PPM1G: variants seen among roughly 807,000 people sequenced by gnomAD.
The protein encoded by PPM1G is protein phosphatase, Mg2+/Mn2+ dependent 1G.
In PPM1G, 12 loss-of-function variants were observed where a neutral mutation model predicts 59.4. The observed-to-expected ratio is 0.20, with a 90% confidence interval of 0.13 to 0.33. PPM1G has a LOEUF of 0.33. Among genes scored for constraint, PPM1G ranks in the 10% least tolerant of loss-of-function variants. The pLI is 1.00. For synonymous variants in PPM1G, 245 were observed against 251.9 expected, an observed-to-expected ratio of 0.97 and a Z score of 0.26; for missense variants, 392 against 681.3, an observed-to-expected ratio of 0.58 and a Z score of 4.73.
chr2:27,393,336 T>C (rs368478941), intron 1 of PPM1G: 1 of 1,597,370 alleles, frequency 6.3e-7, no homozygotes, highest in Admixed American at 1.7e-5. Context: ...GTGGTAGTTC[T>C]GGCGCACCTG....
chr2:27,383,876 G>A lies in PPM1G; in HGVS notation c.966+76C>T. On this transcript the variant is annotated intron_variant, in intron 6 of 9. Transcript: ENST00000344034. This position sits in a 1 kb window ranked among gnomAD's most constrained non-coding sequence, Gnocchi z 5.0. The stretch of plus-strand genomic sequence containing the variant: ...TCCTAAAGTATCAGGGGGATCCCCT[G>A]TCTCAAAATCAAAATTAGGGGATTC... The A allele has an allele frequency of 6.5e-7, 1 of 1,535,548 alleles. No homozygotes were observed. Among genetic ancestry groups the A allele is most frequent in the Non-Finnish European group, 8.8e-7 (1 of 1,136,982 alleles).
rs755125040 is a variant in PPM1G at position 27,385,699 on chromosome 2, A to G, written c.409+48T>C. On this transcript the variant is annotated intron_variant, in intron 4 of 9. Transcript: ENST00000344034. The surrounding 1 kb of genome is among the most constrained non-coding windows in gnomAD (Gnocchi z 4.1). The stretch of plus-strand genomic sequence containing the variant: ...GAATTGATAAGTAATATTAAAGAAT[A>G]TTTCTTAAAATGCTGATTTCCCCTC... 2.5e-6 allele frequency: 4 copies of G among 1,585,970 alleles called. No homozygotes were observed. In the South Asian group the frequency reaches 3.5e-5, roughly 14 times the overall value.
chr2:27,394,246 G>A (rs1572665282), intron 1 of PPM1G, among the ~76,000 whole-genome samples: 1 of 152,144 alleles, frequency 6.6e-6, no homozygotes, highest in East Asian at 1.9e-4. Context: ...TTCTGGAGTA[G>A]TAATTTTTAA....
chr2:27,385,327 CT>C lies in PPM1G; in HGVS notation c.410-240del. The C allele has an allele frequency of 8.3e-6, 4 of 482,188 alleles. No homozygotes were observed. In the South Asian group the frequency reaches 1.6e-4, roughly 19 times the overall value. The allele number at this position is 482,188 out of a possible 1,614,324, so 29.9% of individuals were successfully genotyped here. ...CAACACTAGTTACTATACTTCCCCT[CT>C]GACGTCTCATTTTTTATTGTTAAGT... On this transcript the variant is annotated intron_variant, in intron 4 of 9. Coordinates refer to ENST00000344034, the MANE Select transcript of PPM1G (RefSeq NM_177983.3). The surrounding 1 kb of genome is among the most constrained non-coding windows in gnomAD (Gnocchi z 4.1).
intron 1 of PPM1G, among the ~76,000 whole-genome samples, chr2:27,395,244 A>AG (rs1319484076): frequency 6.7e-6 from 1 of 149,020 alleles, no homozygotes; most frequent in East Asian, 1.9e-4. Context: ...AAAAAAAAAA[A>AG]AAAAAAGAAA....
intron 1 of PPM1G, among the ~76,000 whole-genome samples, chr2:27,391,211 T>C (rs1272050865): frequency 6.6e-6 from 1 of 152,208 alleles, no homozygotes; most frequent in African/African-American, 2.4e-5. Flanking sequence ...AGCCATCAGA[T>C]TGCTGGGTCT....
chr2:27,401,516 A>G (rs1388540700), intron 1 of PPM1G, among the ~76,000 whole-genome samples: 2 of 152,204 alleles, frequency 1.3e-5, no homozygotes, highest in Non-Finnish European at 2.9e-5. Flanking sequence ...TGACAGTTGT[A>G]CAACTCTGTT....
chr2:27,402,955 T>G lies in PPM1G; in HGVS notation c.120+6348A>C, dbSNP rs1204113457. On this transcript the variant is annotated intron_variant, in intron 1 of 9. Coordinates refer to ENST00000344034, the MANE Select transcript of PPM1G (RefSeq NM_177983.3). ...AAAAAATTAGCCAGTCATGGTGGCATGTGCCTATATTAGGCTGAGGCTGGA... is the reference window on the plus strand; with the variant it reads ...AAAAAATTAGCCAGTCATGGTGGCAGGTGCCTATATTAGGCTGAGGCTGGA... 6.0e-5 allele frequency among the ~76,000 whole-genome samples: 9 copies of G among 149,244 alleles called. No homozygotes were observed. In the East Asian group the frequency reaches 1.8e-3, roughly 29 times the overall value.
At position 27,385,287 on chromosome 2, in the gene PPM1G, C is replaced by T; in HGVS notation, c.410-199G>A. Reference sequence around the variant, plus strand: ...TTCTTTTGGTTTTTGTGTTTCATCCCCTTCTTAATCAAAACAACACTAGTT... The same window carrying T: ...TTCTTTTGGTTTTTGTGTTTCATCCTCTTCTTAATCAAAACAACACTAGTT... On this transcript the variant is annotated intron_variant, in intron 4 of 9. Transcript: ENST00000344034. This position sits in a 1 kb window ranked among gnomAD's most constrained non-coding sequence, Gnocchi z 4.1. The T allele has an allele frequency of 5.3e-6, 3 of 568,750 alleles. No homozygotes were observed. 35.2% of individuals were successfully genotyped at this position (568,750 alleles called of 1,614,324 possible).
At chr2:27,399,356 A>C (rs1484188276) in intron 1 of PPM1G, among the ~76,000 whole-genome samples, 1 of 152,126 alleles carries the variant, frequency 6.6e-6, no homozygotes, top group Admixed American at 6.6e-5. Flanking sequence ...AGATACACAA[A>C]TGTCCAATAA....
intron 1 of PPM1G, among the ~76,000 whole-genome samples, chr2:27,402,952 G>C (rs1348113926): frequency 6.6e-6 from 1 of 151,510 alleles, no homozygotes; most frequent in Non-Finnish European, 1.5e-5. Context: ...AGTCATGGTG[G>C]CATGTGCCTA....
At chr2:27,403,790 A>C (rs1438232884) in intron 1 of PPM1G, among the ~76,000 whole-genome samples, 2 of 152,152 alleles carry the variant, frequency 1.3e-5, no homozygotes, top group African/African-American at 2.4e-5. Flanking sequence ...CAGGAGGCTG[A>C]GGCCGGAGAA....
At position 27,383,411 on chromosome 2, in the gene PPM1G, T is replaced by C. The variant is rs1195738297; in HGVS notation, c.1156A>G (p.Met386Val). 1 of 1,614,194 alleles carries C rather than the reference T, an allele frequency of 6.2e-7. No individual in the cohort carries two copies. The highest frequency in any genetic ancestry group is 1.7e-5 in the Admixed American group (1 of 60,010). ...AGGCCCCCGTTGACTCGCCCATCCA[T>C]GGTGACCTTGCCACCAGCATTCTTG... ...RIKNAGGKVT[M>V]DGRVNGGLNL... is the part of the protein sequence containing the mutation. Residue 386 changes from methionine (M) to valine (V), a missense_variant, in exon 7 of 10, where the codon ATG (methionine) becomes GTG (valine). Met to Val is a conservative substitution (Grantham distance 21, BLOSUM62 1). Around this residue, in one of 6 missense-constraint regions of PPM1G, gnomAD observed 53 missense variants for 175.4 expected, o/e 0.30. Transcript: ENST00000344034. This position sits in a 1 kb window ranked among gnomAD's most constrained non-coding sequence, Gnocchi z 5.0.
chr2:27,409,230 C>A, intron 1 of PPM1G, 73 bp downstream of exon 1: 1 of 1,496,412 alleles, frequency 6.7e-7, no homozygotes, highest in Non-Finnish European at 8.9e-7. Context: ...AGGGGAGGAC[C>A]CCATCCCCCG....
At chr2:27,389,766 C>G (rs953114489) in intron 1 of PPM1G, among the ~76,000 whole-genome samples, 2 of 152,106 alleles carry the variant, frequency 1.3e-5, no homozygotes, top group African/African-American at 4.8e-5. Context: ...GAGTTGGAGA[C>G]CAGCCTAGGC....
intron 1 of PPM1G, 42 bp from the exon 2 acceptor site, chr2:27,387,200 G>A: frequency 1.3e-6 from 2 of 1,528,018 alleles, no homozygotes; most frequent in South Asian, 1.1e-5. Context: ...CAAGGTCGAA[G>A]AATATTCCTC....
At position 27,409,578 on chromosome 2, in the gene PPM1G, G is replaced by T. The variant is rs894021995; in HGVS notation, c.-156C>A. The T allele has an allele frequency of 1.4e-5, 14 of 983,642 alleles. No individual in the cohort carries two copies. The highest frequency in any genetic ancestry group is 6.9e-5 in the African/African-American group (4 of 57,868). 60.9% of individuals were successfully genotyped at this position (983,642 alleles called of 1,614,324 possible). A position where few individuals can be genotyped will look rare whatever the true frequency, so the allele number is the denominator to read the frequency against. On this transcript the variant is annotated 5_prime_UTR_variant, in exon 1 of 10. Transcript: ENST00000344034. Reference sequence around the variant, plus strand: ...GCGAGGCCGGCCAGGAGGCGGTAACGGGACGGGAGCTGTGAGGGAGCGGAA... The same window carrying T: ...GCGAGGCCGGCCAGGAGGCGGTAACTGGACGGGAGCTGTGAGGGAGCGGAA...
intron 1 of PPM1G, chr2:27,393,466 G>A: frequency 1.3e-6 from 1 of 795,910 alleles, no homozygotes; most frequent in Admixed American, 2.0e-5. Flanking sequence ...ATGGTGAAGA[G>A]GTGACGGAGG....
intron 1 of PPM1G, among the ~76,000 whole-genome samples, chr2:27,395,836 G>A (rs1426657275): frequency 9.1e-5 from 12 of 131,512 alleles, no homozygotes; most frequent in African/African-American, 3.5e-4. Context: ...GAATAAGACC[G>A]TCTCAAAAAA....
Sources: allele counts gnomAD v4.1 joint callset (sites outside exome capture counted in the v4.1 genomes callset), GRCh38; gene constraint gnomAD v4.1.1; regional missense constraint gnomAD v4.1.1; non-coding constraint Gnocchi (gnomAD v3.1); transcripts MANE v1.5; gene names NCBI Gene and HGNC (gene_info 2026-07-23, HGNC 2026-07-21).